The following ERBIN variants were observed in gnomAD, a reference collection of about 807,000 sequenced individuals.
ERBIN encodes the protein densin-180-like protein.
A neutral mutation model predicts 158.4 loss-of-function variants in ERBIN; 60 were observed. The ratio of observed to expected loss-of-function variants is 0.38; its 90% CI spans 0.31 to 0.47. The LOEUF (loss-of-function observed/expected upper bound fraction) is 0.47, where lower values mean the gene tolerates loss of function less well. ERBIN is among the 20% of genes least tolerant of loss of function. ERBIN has a pLI of 0.99. For missense variants in ERBIN, 1,610 were observed against 1,648.0 expected (o/e 0.98, Z 0.40); for synonymous variants, 594 against 557.2 (o/e 1.07, Z -0.93).
At chr5:66,028,676 G>T (rs1004913946) in intron 14 of ERBIN, among the ~76,000 whole-genome samples, 1 of 151,882 alleles carries the variant, frequency 6.6e-6, no homozygotes, top group Non-Finnish European at 1.5e-5. Flanking sequence ...AAGTCTACTC[G>T]GCAATTTCAA....
intron 1 of ERBIN, among the ~76,000 whole-genome samples, chr5:65,957,426 G>C (rs895945539): frequency 6.6e-6 from 1 of 151,976 alleles, no homozygotes; most frequent in African/African-American, 2.4e-5. Flanking sequence ...GACTCTTAAC[G>C]AGCATGCTGC....
chr5:65,994,282 A>C (rs576041155), intron 3 of ERBIN, among the ~76,000 whole-genome samples: 4 of 152,284 alleles, frequency 2.6e-5, no homozygotes, highest in Non-Finnish European at 2.9e-5. Context: ...CCACCAGTAG[A>C]GTCTTGGTTT....
At chr5:65,948,926 G>T (rs910955721) in intron 1 of ERBIN, among the ~76,000 whole-genome samples, 1 of 151,876 alleles carries the variant, frequency 6.6e-6, no homozygotes, top group Non-Finnish European at 1.5e-5. Context: ...ACCATGTCCG[G>T]CTAATTTTTG....
intron 1 of ERBIN, among the ~76,000 whole-genome samples, chr5:65,957,323 G>A (rs775925748): frequency 1.2e-4 from 19 of 152,188 alleles, no homozygotes; most frequent in Non-Finnish European, 2.6e-4. Context: ...AGACAAACAA[G>A]TGAACAAAGG....
chr5:65,976,181 A>G (rs1164044929), intron 1 of ERBIN, among the ~76,000 whole-genome samples: 1 of 152,164 alleles, frequency 6.6e-6, no homozygotes, highest in East Asian at 1.9e-4. Flanking sequence ...TCCAGTCAAG[A>G]CTGTATGAGA....
chr5:66,076,310 A>C lies in ERBIN; in HGVS notation c.3964-6A>C, dbSNP rs1212328846. On this transcript the variant is annotated splice_region_variant and splice_polypyrimidine_tract_variant and intron_variant, in intron 23 of 25. Transcript: ENST00000284037. The stretch of plus-strand genomic sequence containing the variant: ...GTAAGTTTCCTTTATTTTCATATTA[A>C]CTCAGATTCGAGTGAGGGTTGAAAA... 5.6e-6 allele frequency: 9 copies of C among 1,608,238 alleles called. No homozygotes were observed. Among genetic ancestry groups the C allele is most frequent in the Non-Finnish European group, 7.6e-6 (9 of 1,177,508 alleles).
chr5:66,060,512 T>G (rs1760156534), intron 21 of ERBIN, among the ~76,000 whole-genome samples: 1 of 152,214 alleles, frequency 6.6e-6, no homozygotes, highest in Non-Finnish European at 1.5e-5. Context: ...ATTAATTTTT[T>G]GAAGGGTTTT....
chr5:65,977,655 C>T (rs907691166), intron 1 of ERBIN, among the ~76,000 whole-genome samples: 9 of 150,804 alleles, frequency 6.0e-5, no homozygotes, highest in South Asian at 2.1e-4. Context: ...CGGGCAGAGA[C>T]GCTCCTCACT....
At chr5:65,947,033 T>A (rs1745845599) in intron 1 of ERBIN, among the ~76,000 whole-genome samples, 1 of 152,166 alleles carries the variant, frequency 6.6e-6, no homozygotes, top group African/African-American at 2.4e-5. Context: ...TGCAGGTATT[T>A]TCTCCCATTC....
chr5:66,005,801 T>A (rs1753525963), intron 4 of ERBIN, among the ~76,000 whole-genome samples: 3 of 152,120 alleles, frequency 2.0e-5, no homozygotes, highest in Admixed American at 6.6e-5. Context: ...CACAATTGCT[T>A]CAAAGGGAAT....
chr5:66,024,203 G>A (rs1428112776), intron 9 of ERBIN, 103 bp from the exon 10 acceptor site: 2 of 758,172 alleles, frequency 2.6e-6, no homozygotes, highest in East Asian at 2.9e-5. Flanking sequence ...TCTTGTATTA[G>A]CATTTAATTT....
At chr5:65,959,814 A>G (rs923298071) in intron 1 of ERBIN, among the ~76,000 whole-genome samples, 1 of 152,234 alleles carries the variant, frequency 6.6e-6, no homozygotes, top group African/African-American at 2.4e-5. Context: ...AAAAAGCAAC[A>G]TGATTTTTTC....
rs187202753 is a variant in ERBIN, at chr5:66,004,609, G to A, written c.308-7440G>A. 1.3e-3 allele frequency among the ~76,000 whole-genome samples: 191 copies of A among 152,128 alleles called. 1 individual carries two copies. The highest frequency in any genetic ancestry group is 3.4e-3 in the Middle Eastern group (1 of 294). On this transcript the variant is annotated intron_variant, in intron 4 of 25. Coordinates refer to ENST00000284037, the MANE Select transcript of ERBIN (RefSeq NM_001253697.2). ...GTTTACACGGGTTTTCGCCATGTTG[G>A]CCAGGCTGGCCTCGAAATTGTGACC...
intron 21 of ERBIN, among the ~76,000 whole-genome samples, chr5:66,063,774 A>G (rs1580517941): frequency 6.6e-6 from 1 of 152,336 alleles, no homozygotes; most frequent in African/African-American, 2.4e-5. Flanking sequence ...CTATTTATCA[A>G]GGATGATGAT....
intron 13 of ERBIN, 21 bp from the exon 14 acceptor site, chr5:66,028,249 TTTTG>T: frequency 6.4e-7 from 1 of 1,563,978 alleles, no homozygotes; most frequent in Non-Finnish European, 8.8e-7. Flanking sequence ...AAAGTTTAAT[TTTTG>T]TTTGTATTTT....
At chr5:65,990,268 G>GA (rs1751716905) in intron 2 of ERBIN, among the ~76,000 whole-genome samples, 1 of 152,168 alleles carries the variant, frequency 6.6e-6, no homozygotes, top group African/African-American at 2.4e-5. Flanking sequence ...TTTCTTCATG[G>GA]AAAAATGCAG....
intron 1 of ERBIN, among the ~76,000 whole-genome samples, chr5:65,966,398 A>G (rs1279390054): frequency 6.6e-6 from 1 of 152,102 alleles, no homozygotes; most frequent in Non-Finnish European, 1.5e-5. Context: ...ATAAAAAGGT[A>G]GGCCGGGCAT....
intron 14 of ERBIN, among the ~76,000 whole-genome samples, chr5:66,031,309 A>T (rs928721559): frequency 1.3e-5 from 2 of 152,224 alleles, no homozygotes; most frequent in African/African-American, 4.8e-5. Context: ...ATTATTTATT[A>T]ATTTATTCCC....
intron 18 of ERBIN, among the ~76,000 whole-genome samples, chr5:66,048,354 A>C (rs78033656): frequency 6.6e-6 from 1 of 151,932 alleles, no homozygotes; most frequent in African/African-American, 2.4e-5. Context: ...TCATAGAGCT[A>C]TATATGGTTG....
Sources: gnomAD v4.1 joint callset for allele counts (sites outside exome capture counted in the v4.1 genomes callset) on GRCh38, gnomAD v4.1.1 for gene constraint, MANE v1.5 for transcripts, NCBI Gene and HGNC (gene_info 2026-07-23, HGNC 2026-07-21) for gene names.